The following RABGAP1L variants were observed in gnomAD, a reference collection of about 807,000 sequenced individuals.
The protein encoded by RABGAP1L is rab GTPase-activating protein 1-like.
In RABGAP1L, 63 loss-of-function variants were observed where a neutral mutation model predicts 137.7. The ratio of observed to expected loss-of-function variants is 0.46; its 90% CI spans 0.37 to 0.56. The LOEUF is 0.56. RABGAP1L is among the 20% of genes least tolerant of loss of function. The pLI, the probability that RABGAP1L is intolerant of heterozygous loss-of-function variation, is 0.00. For synonymous variants in RABGAP1L, 431 were observed against 433.7 expected (o/e 0.99, Z 0.08); for missense variants, 1,095 against 1,244.0 (o/e 0.88, Z 1.80).
intron 19 of RABGAP1L, among the ~76,000 whole-genome samples, chr1:174,837,347 T>G (rs1692871253): frequency 1.3e-5 from 2 of 152,246 alleles, no homozygotes; most frequent in African/African-American, 4.8e-5. Flanking sequence ...ATGAGAAACT[T>G]CTCATTATGA....
rs192613417 is a variant in RABGAP1L at position 174,511,980 on chromosome 1, C to G, written c.1710+117835C>G. Among the ~76,000 whole-genome samples, 371 of 152,110 alleles carry G rather than the reference C, an allele frequency of 2.4e-3. 2 individuals are homozygous for G. Among genetic ancestry groups the G allele is most frequent in the African/African-American group, 8.1e-3 (337 of 41,480 alleles). ...TGTGAAGTGTTTTAGATGATTTTTT[C>G]CAATCCTTTATTTATTTAATATTTT... On this transcript the variant is annotated intron_variant, in intron 13 of 25. Coordinates refer to ENST00000681986, the MANE Select transcript of RABGAP1L (RefSeq NM_001366446.1).
chr1:174,306,048 A>T (rs1169772086), intron 11 of RABGAP1L, among the ~76,000 whole-genome samples: 1 of 152,140 alleles, frequency 6.6e-6, no homozygotes, highest in African/African-American at 2.4e-5. Context: ...GTTTGCTGAG[A>T]ATGATGGTTT....
At chr1:174,650,174 G>T (rs929747295) in intron 14 of RABGAP1L, among the ~76,000 whole-genome samples, 1 of 152,146 alleles carries the variant, frequency 6.6e-6, no homozygotes, top group Non-Finnish European at 1.5e-5. Flanking sequence ...TTGCATCCCA[G>T]GGATGGAGCC....
chr1:174,645,999 A>G (rs1674940350), intron 14 of RABGAP1L, among the ~76,000 whole-genome samples: 2 of 152,236 alleles, frequency 1.3e-5, no homozygotes, highest in African/African-American at 2.4e-5. Flanking sequence ...GGCCACATAC[A>G]TATCTTCCTT....
At chr1:174,651,034 G>A (rs1037537721) in intron 14 of RABGAP1L, among the ~76,000 whole-genome samples, 7 of 151,184 alleles carry the variant, frequency 4.6e-5, no homozygotes, top group Admixed American at 3.3e-4. Context: ...GGTATGTTGT[G>A]TCTTTGTTCT....
chr1:174,359,902 A>G (rs1683984757), intron 11 of RABGAP1L, among the ~76,000 whole-genome samples: 1 of 152,202 alleles, frequency 6.6e-6, no homozygotes, highest in Non-Finnish European at 1.5e-5. Context: ...TATAGATAAA[A>G]AAGGAAGACA....
At chr1:174,328,824 A>G (rs1045623732) in intron 11 of RABGAP1L, among the ~76,000 whole-genome samples, 2 of 152,120 alleles carry the variant, frequency 1.3e-5, no homozygotes, top group South Asian at 2.1e-4. Context: ...GAAATGCAGT[A>G]TACCAAAATA....
intron 13 of RABGAP1L, among the ~76,000 whole-genome samples, chr1:174,406,174 A>C (rs1006775528): frequency 9.9e-5 from 15 of 152,122 alleles, no homozygotes; most frequent in African/African-American, 3.6e-4. Flanking sequence ...CTGTCTGTCT[A>C]TAGTGATATC....
At chr1:174,600,176 A>G (rs758926691) in intron 13 of RABGAP1L, among the ~76,000 whole-genome samples, 2 of 152,210 alleles carry the variant, frequency 1.3e-5, no homozygotes, top group African/African-American at 4.8e-5. Flanking sequence ...CTTATTCACT[A>G]TACAAGAATA....
chr1:174,243,831 T>C (rs892908336), intron 5 of RABGAP1L, among the ~76,000 whole-genome samples: 1 of 152,200 alleles, frequency 6.6e-6, no homozygotes, highest in Non-Finnish European at 1.5e-5. Flanking sequence ...GACTGGGTGA[T>C]AGAGCTGGGT....
intron 13 of RABGAP1L, among the ~76,000 whole-genome samples, chr1:174,621,100 A>T (rs929875134): frequency 3.9e-5 from 6 of 152,122 alleles, no homozygotes; most frequent in African/African-American, 1.2e-4. Flanking sequence ...ACTCCCATTC[A>T]TAATTGCTTC....
intron 14 of RABGAP1L, among the ~76,000 whole-genome samples, chr1:174,638,484 C>T (rs897170680): frequency 6.6e-6 from 1 of 151,692 alleles, no homozygotes; most frequent in African/African-American, 2.4e-5. Context: ...GTGGCGATTC[C>T]TCAGGGATCT....
At chr1:174,305,280 G>A (rs1438791043) in intron 11 of RABGAP1L, among the ~76,000 whole-genome samples, 153 bp downstream of exon 11, 1 of 152,128 alleles carries the variant, frequency 6.6e-6, no homozygotes, top group Non-Finnish European at 1.5e-5. Flanking sequence ...AAAAGAATTT[G>A]GTTCATTTGG....
chr1:174,990,420 A>T lies in RABGAP1L; in HGVS notation c.*419A>T, dbSNP rs748690327. 21 of 154,002 alleles carry T rather than the reference A, an allele frequency of 1.4e-4. No homozygotes were observed. Among genetic ancestry groups the T allele is most frequent in the Non-Finnish European group, 2.2e-4 (15 of 69,320 alleles). The allele number at this position is 154,002 out of a possible 1,614,324, so 9.5% of individuals were successfully genotyped here. On this transcript the variant is annotated 3_prime_UTR_variant, in exon 26 of 26. Coordinates refer to ENST00000681986, the MANE Select transcript of RABGAP1L (RefSeq NM_001366446.1). ...ACAGGAAAAAAAAAATTGAAACCTA[A>T]ACATCTTAAGTTTTCAGGATTTATT...
At chr1:174,204,385 C>T (rs930643620) in intron 1 of RABGAP1L, among the ~76,000 whole-genome samples, 6 of 152,222 alleles carry the variant, frequency 3.9e-5, no homozygotes, top group Admixed American at 3.9e-4. Context: ...TCTACTCTTT[C>T]TGTTTGAATG....
chr1:174,371,589 T>C (rs1218593647), intron 12 of RABGAP1L, among the ~76,000 whole-genome samples: 1 of 152,068 alleles, frequency 6.6e-6, no homozygotes, highest in Non-Finnish European at 1.5e-5. Flanking sequence ...AAGTACTCTG[T>C]TTATATTTAT....
intron 11 of RABGAP1L, among the ~76,000 whole-genome samples, chr1:174,332,930 T>G (rs1404334213): frequency 1.3e-5 from 2 of 152,306 alleles, no homozygotes; most frequent in Admixed American, 1.3e-4. Flanking sequence ...TGTCCATCAG[T>G]GGATGAATGG....
intron 13 of RABGAP1L, among the ~76,000 whole-genome samples, chr1:174,619,411 G>A (rs897016858): frequency 6.6e-6 from 1 of 152,212 alleles, no homozygotes; most frequent in Admixed American, 6.5e-5. Flanking sequence ...TACCCACAAA[G>A]GGAAGCCCAT....
At chr1:174,635,780 C>G (rs1214328146) in intron 13 of RABGAP1L, among the ~76,000 whole-genome samples, 2 of 152,102 alleles carry the variant, frequency 1.3e-5, no homozygotes, top group Non-Finnish European at 2.9e-5. Flanking sequence ...TATATAAGAT[C>G]TAATTACCAC....
Sources: gnomAD v4.1 joint callset for allele counts (sites outside exome capture counted in the v4.1 genomes callset) on GRCh38, gnomAD v4.1.1 for gene constraint, MANE v1.5 for transcripts, NCBI Gene and HGNC (gene_info 2026-07-23, HGNC 2026-07-21) for gene names.